The following DOCK5 variants were observed in gnomAD, a reference collection of about 807,000 sequenced individuals.
DOCK5 encodes dedicator of cytokinesis 5.
Under a neutral mutation model 251.8 loss-of-function variants are expected in DOCK5, and 142 were observed. The ratio of observed to expected loss-of-function variants is 0.56; its 90% CI spans 0.49 to 0.65. The LOEUF (loss-of-function observed/expected upper bound fraction) is 0.65. DOCK5 is among the 30% of genes least tolerant of loss of function. The pLI, the probability that DOCK5 is intolerant of heterozygous loss-of-function variation, is 0.00. For synonymous variants in DOCK5, 842 were observed against 835.5 expected, an observed-to-expected ratio of 1.01 and a Z score of -0.13; for missense variants, 2,111 against 2,312.3, an observed-to-expected ratio of 0.91 and a Z score of 1.79.
intron 14 of DOCK5, among the ~76,000 whole-genome samples, chr8:25,319,020 A>G (rs914448166): frequency 2.6e-5 from 4 of 152,138 alleles, no homozygotes; most frequent in South Asian, 2.1e-4. Context: ...ACATGAGCTC[A>G]TTTCACGTAG....
At chr8:25,253,330 G>A (rs1803324052) in intron 2 of DOCK5, among the ~76,000 whole-genome samples, 1 of 152,016 alleles carries the variant, frequency 6.6e-6, no homozygotes, top group South Asian at 2.1e-4. Flanking sequence ...TACTCTGGAG[G>A]AATATTCCCA....
intron 27 of DOCK5, among the ~76,000 whole-genome samples, chr8:25,352,420 T>C (rs140366354): frequency 1.3e-5 from 2 of 152,168 alleles, no homozygotes; most frequent in African/African-American, 4.8e-5. Context: ...GGAAAGGCCA[T>C]TGTTGGTCTG....
intron 13 of DOCK5, among the ~76,000 whole-genome samples, chr8:25,314,763 A>G (rs1325483160): frequency 1.7e-5 from 1 of 59,330 alleles, no homozygotes; most frequent in Non-Finnish European, 3.1e-5. Context: ...CCACCCATCC[A>G]TCCACCCACC....
At chr8:25,339,998 G>T (rs762922047) in intron 22 of DOCK5, among the ~76,000 whole-genome samples, 1 of 152,172 alleles carries the variant, frequency 6.6e-6, no homozygotes. Context: ...ATTCGAGCTC[G>T]TAGGATTTGC....
At position 25,349,321 on chromosome 8, in the gene DOCK5, A is replaced by G. The variant is rs367566675; in HGVS notation, c.2755-2410A>G. Among the ~76,000 whole-genome samples the G allele has an allele frequency of 5.3e-5, 8 of 152,302 alleles. No individual in the cohort carries two copies. The South Asian group carries it at 8.3e-4, about 16-fold the overall frequency. On this transcript the variant is annotated intron_variant, in intron 26 of 51. Transcript: ENST00000276440. ...GAAAAACTATGAAAAACAGACTATG[A>G]AAAACAGGGAATGCAAATTATTAGT...
At chr8:25,253,770 C>G (rs1803338445) in intron 2 of DOCK5, among the ~76,000 whole-genome samples, 1 of 152,204 alleles carries the variant, frequency 6.6e-6, no homozygotes, top group Non-Finnish European at 1.5e-5. Flanking sequence ...TAAATGGAAG[C>G]TATCCCATGT....
intron 6 of DOCK5, among the ~76,000 whole-genome samples, chr8:25,293,832 C>G (rs1463751285): frequency 6.6e-6 from 1 of 152,094 alleles, no homozygotes; most frequent in Non-Finnish European, 1.5e-5. Flanking sequence ...GATGAAACCC[C>G]ATCTCTACTA....
chr8:25,338,125 T>TCTG (rs1383608348), intron 22 of DOCK5, among the ~76,000 whole-genome samples: 3 of 150,114 alleles, frequency 2.0e-5, no homozygotes, highest in African/African-American at 7.3e-5. Flanking sequence ...GTCACTGCAC[T>TCTG]CTGCTTCCCG....
intron 5 of DOCK5, among the ~76,000 whole-genome samples, chr8:25,281,285 G>T (rs1025854361): frequency 1.3e-5 from 2 of 151,718 alleles, no homozygotes; most frequent in African/African-American, 4.8e-5. Context: ...AAAATTAGCT[G>T]GGTGTAGTGG....
intron 26 of DOCK5, among the ~76,000 whole-genome samples, chr8:25,346,159 A>G (rs1401629198): frequency 6.6e-6 from 1 of 151,224 alleles, no homozygotes; most frequent in African/African-American, 2.4e-5. Flanking sequence ...CCCTGTGACT[A>G]TTCTTAAGAA....
chr8:25,243,560 A>G, intron 1 of DOCK5, 114 bp from the exon 2 acceptor site: 1 of 904,816 alleles, frequency 1.1e-6, no homozygotes, highest in South Asian at 1.5e-5. Flanking sequence ...TGAACTCCTG[A>G]CCTCATGATC....
intron 1 of DOCK5, among the ~76,000 whole-genome samples, chr8:25,194,792 AC>A (rs1801677662): frequency 6.6e-6 from 1 of 152,002 alleles, no homozygotes; most frequent in Admixed American, 6.6e-5. Context: ...ACTAAGAGTC[AC>A]CCCACATTCT....
intron 6 of DOCK5, among the ~76,000 whole-genome samples, chr8:25,292,705 T>C (rs1804525225): frequency 6.6e-6 from 1 of 152,162 alleles, no homozygotes; most frequent in African/African-American, 2.4e-5. Flanking sequence ...ATGCCTGCAC[T>C]CCAGCCTGGG....
rs1478320275 is a variant in DOCK5, at chr8:25,308,941, A to G, written c.1192+16A>G. On this transcript the variant is annotated intron_variant, in intron 12 of 51. Coordinates refer to ENST00000276440, the MANE Select transcript of DOCK5 (RefSeq NM_024940.8). ...AAAGGGCAAGGTACAGTCCAGTGCC[A>G]GAGCTGGGAGGGACTCTGCTGAGGG... is the stretch of plus-strand genomic sequence containing the variant. 6.5e-7 allele frequency: 1 copy of G among 1,530,534 alleles called. No individual in the cohort carries two copies. The highest frequency in any genetic ancestry group is 1.1e-5 in the South Asian group (1 of 87,082). 94.8% of individuals were successfully genotyped at this position (1,530,534 alleles called of 1,614,324 possible). A position where few individuals can be genotyped will look rare whatever the true frequency, so the allele number is the denominator to read the frequency against.
Position 25,351,834 on chromosome 8 carries a change from T to C in DOCK5, c.2850+8T>C. Reference sequence around the variant, plus strand: ...CGGCAGTCTCCCCACATCGTGAGTATCTCTTTGTTGGATCCCACGGCCGCT... The same window carrying C: ...CGGCAGTCTCCCCACATCGTGAGTACCTCTTTGTTGGATCCCACGGCCGCT... On this transcript the variant is annotated splice_region_variant and intron_variant, in intron 27 of 51. Transcript: ENST00000276440. The C allele has an allele frequency of 2.5e-6, 4 of 1,612,390 alleles. No homozygotes were observed. Among genetic ancestry groups the C allele is most frequent in the Non-Finnish European group, 3.4e-6 (4 of 1,178,848 alleles).
chr8:25,191,957 C>T (rs1160960953), intron 1 of DOCK5, among the ~76,000 whole-genome samples: 4 of 134,916 alleles, frequency 3.0e-5, no homozygotes, highest in Non-Finnish European at 4.6e-5. Context: ...GTGATGTTCC[C>T]CGTCCTGTGT....
intron 1 of DOCK5, among the ~76,000 whole-genome samples, chr8:25,226,878 C>G (rs1450234190): frequency 6.6e-6 from 1 of 152,164 alleles, no homozygotes; most frequent in Admixed American, 6.5e-5. Context: ...AGCCACCGCA[C>G]CCGGCTCCTC....
chr8:25,306,307 T>C (rs1219563552), intron 11 of DOCK5, among the ~76,000 whole-genome samples: 1 of 152,232 alleles, frequency 6.6e-6, no homozygotes, highest in African/African-American at 2.4e-5. Context: ...TTCATCTCCA[T>C]GAATGCTGCT....
At chr8:25,381,428 G>A (rs937971333) in intron 39 of DOCK5, among the ~76,000 whole-genome samples, 2 of 152,074 alleles carry the variant, frequency 1.3e-5, no homozygotes, top group Non-Finnish European at 2.9e-5. Context: ...ACTTCCAGAC[G>A]AGTCTGAGCA....
Sources: allele counts gnomAD v4.1 joint callset (sites outside exome capture counted in the v4.1 genomes callset), GRCh38; gene constraint gnomAD v4.1.1; transcripts MANE v1.5; gene names NCBI Gene and HGNC (gene_info 2026-07-23, HGNC 2026-07-21).